The following BORCS5 variants were observed in gnomAD, a reference collection of about 807,000 sequenced individuals.
BORCS5 encodes the protein BLOC-1-related complex subunit 5.
In BORCS5, 17 loss-of-function variants were observed where a neutral mutation model predicts 22.1. That is an observed-to-expected ratio of 0.77 (90% confidence interval 0.53 to 1.15). BORCS5 has a LOEUF of 1.15. Ranked by LOEUF, BORCS5 falls within the 50% of genes most tolerant of loss-of-function variation. The pLI is 0.00. For missense variants in BORCS5, 247 were observed against 253.2 expected, an observed-to-expected ratio of 0.98 and a Z score of 0.17; for synonymous variants, 117 against 99.8, an observed-to-expected ratio of 1.17 and a Z score of -1.03.
chr12:12,408,367 C>G (rs1406497064), intron 2 of BORCS5, among the ~76,000 whole-genome samples: 1 of 152,072 alleles, frequency 6.6e-6, no homozygotes, highest in Non-Finnish European at 1.5e-5. Context: ...TTTTTTTCCT[C>G]CCTTGTAATT....
At chr12:12,400,878 C>A (rs916135852) in intron 2 of BORCS5, among the ~76,000 whole-genome samples, 1 of 152,138 alleles carries the variant, frequency 6.6e-6, no homozygotes, top group Non-Finnish European at 1.5e-5. Flanking sequence ...AATATTCTTT[C>A]ACTTGTTTTG....
chr12:12,372,189 G>A (rs138968802), intron 2 of BORCS5, among the ~76,000 whole-genome samples: 5 of 151,988 alleles, frequency 3.3e-5, no homozygotes, highest in Non-Finnish European at 7.4e-5. Context: ...TCAGCCACCC[G>A]CCACCATGCC....
chr12:12,435,879 G>C (rs1810362280), intron 3 of BORCS5, 94 bp downstream of exon 3: 1 of 1,253,606 alleles, frequency 8.0e-7, no homozygotes, highest in Non-Finnish European at 1.1e-6. Flanking sequence ...TGTCACTATT[G>C]CTTTGAGGAG....
At chr12:12,417,371 G>A (rs1045202148) in intron 2 of BORCS5, among the ~76,000 whole-genome samples, 1 of 152,106 alleles carries the variant, frequency 6.6e-6, no homozygotes, top group African/African-American at 2.4e-5. Flanking sequence ...GACTTAATCT[G>A]TGACCTAACA....
chr12:12,377,062 G>A (rs1258732161), intron 2 of BORCS5, among the ~76,000 whole-genome samples: 2 of 152,192 alleles, frequency 1.3e-5, no homozygotes, highest in African/African-American at 4.8e-5. Flanking sequence ...ACTACCGGAG[G>A]AAACTTTTTA....
chr12:12,437,506 A>G (rs1050280634), intron 3 of BORCS5, among the ~76,000 whole-genome samples: 7 of 152,214 alleles, frequency 4.6e-5, no homozygotes, highest in African/African-American at 9.6e-5. Flanking sequence ...CTTAAGCACT[A>G]TTTCTAAAAT....
chr12:12,368,554 C>T (rs1339459118), intron 2 of BORCS5, among the ~76,000 whole-genome samples: 2 of 151,850 alleles, frequency 1.3e-5, no homozygotes, highest in East Asian at 3.9e-4. Flanking sequence ...AAATGATCTT[C>T]CAACCTCAGC....
intron 3 of BORCS5, among the ~76,000 whole-genome samples, chr12:12,457,677 C>T (rs1380923293): frequency 6.6e-6 from 1 of 152,186 alleles, no homozygotes; most frequent in Non-Finnish European, 1.5e-5. Context: ...CTCTGAGTCA[C>T]TCAGCTTGAG....
intron 3 of BORCS5, among the ~76,000 whole-genome samples, chr12:12,442,543 A>G (rs1029385184): frequency 6.6e-6 from 1 of 152,172 alleles, no homozygotes; most frequent in Non-Finnish European, 1.5e-5. Flanking sequence ...GGTAAGAAAA[A>G]CTTGCAATCC....
chr12:12,410,047 C>G (rs981978612), intron 2 of BORCS5, among the ~76,000 whole-genome samples: 2 of 152,190 alleles, frequency 1.3e-5, no homozygotes, highest in African/African-American at 4.8e-5. Context: ...AGTGTCTGTT[C>G]ATATCCTTCA....
At chr12:12,416,399 G>A (rs1389077122) in intron 2 of BORCS5, among the ~76,000 whole-genome samples, 2 of 151,270 alleles carry the variant, frequency 1.3e-5, no homozygotes, top group Non-Finnish European at 2.9e-5. Flanking sequence ...AGTTCCTTAA[G>A]TTGTAAAGTT....
At chr12:12,430,886 A>G (rs1405584514) in intron 2 of BORCS5, among the ~76,000 whole-genome samples, 2 of 152,114 alleles carry the variant, frequency 1.3e-5, no homozygotes, top group African/African-American at 4.8e-5. Flanking sequence ...GTTTTTTTCC[A>G]TGTAAGTACA....
At chr12:12,415,184 G>A (rs184450046) in intron 2 of BORCS5, among the ~76,000 whole-genome samples, 31,237 of 129,610 alleles carry the variant, frequency 0.24, 3,570 homozygotes, top group Admixed American at 0.32. Context: ...GCACTTTGGG[G>A]GTCCAAGGCA....
intron 2 of BORCS5, among the ~76,000 whole-genome samples, chr12:12,397,623 G>C (rs372704920): frequency 6.6e-6 from 1 of 152,172 alleles, no homozygotes; most frequent in African/African-American, 2.4e-5. Flanking sequence ...ACATAGTCTG[G>C]TAATTCCATC....
chr12:12,418,971 T>A (rs1242206082), intron 2 of BORCS5, among the ~76,000 whole-genome samples: 1 of 152,220 alleles, frequency 6.6e-6, no homozygotes, highest in Non-Finnish European at 1.5e-5. Flanking sequence ...TGTCGTCTTC[T>A]GTGTTGATTT....
intron 3 of BORCS5, among the ~76,000 whole-genome samples, chr12:12,463,150 T>A (rs1188237743): frequency 6.6e-6 from 1 of 152,240 alleles, no homozygotes; most frequent in Non-Finnish European, 1.5e-5. Context: ...GATACTGGTT[T>A]ACTGCCTACA....
intron 3 of BORCS5, among the ~76,000 whole-genome samples, chr12:12,454,910 AC>A (rs1942971868): frequency 6.6e-6 from 1 of 152,182 alleles, no homozygotes; most frequent in Non-Finnish European, 1.5e-5. Flanking sequence ...GCCCAAGTTC[AC>A]CAACTAGTAG....
chr12:12,405,563 A>G (rs1225810311), intron 2 of BORCS5, among the ~76,000 whole-genome samples: 1 of 152,204 alleles, frequency 6.6e-6, no homozygotes, highest in Admixed American at 6.5e-5. Context: ...TGTCATCCTG[A>G]CAATTAAGAC....
intron 1 of BORCS5, among the ~76,000 whole-genome samples, chr12:12,360,207 C>T (rs1026379845): frequency 6.6e-5 from 10 of 151,954 alleles, no homozygotes; most frequent in Non-Finnish European, 1.2e-4. Context: ...ACTAAAAATA[C>T]AAAAATTAGC....
Sources: allele counts gnomAD v4.1 joint callset (sites outside exome capture counted in the v4.1 genomes callset), GRCh38; gene constraint gnomAD v4.1.1; transcripts MANE v1.5; gene names NCBI Gene and HGNC (gene_info 2026-07-23, HGNC 2026-07-21).